Variants in INSR observed in about 807,000 individuals in gnomAD.
INSR encodes the protein IR.
In INSR, 67 loss-of-function variants were observed where a neutral mutation model predicts 142.6. The ratio of observed to expected loss-of-function variants is 0.47; its 90% CI spans 0.39 to 0.58. INSR has a LOEUF of 0.58. INSR is among the 20% of genes least tolerant of loss of function. INSR has a pLI of 0.00. For missense variants in INSR, 1,248 were observed against 1,833.2 expected, an observed-to-expected ratio of 0.68 and a Z score of 5.83; for synonymous variants, 756 against 743.1, an observed-to-expected ratio of 1.02 and a Z score of -0.28.
chr19:7,129,053 GTTCC>G, intron 14 of INSR, 99 bp from the exon 15 acceptor site: 1 of 872,352 alleles, frequency 1.1e-6, no homozygotes, highest in South Asian at 1.4e-5. Context: ...GGGCCACCCT[GTTCC>G]TTCCCTCCCT....
intron 2 of INSR, among the ~76,000 whole-genome samples, chr19:7,239,054 G>T (rs1392695183): frequency 7.3e-6 from 1 of 137,836 alleles, no homozygotes; most frequent in African/African-American, 2.8e-5. Flanking sequence ...CAGATTTAAA[G>T]AAGAGCAACT....
intron 1 of INSR, among the ~76,000 whole-genome samples, chr19:7,275,639 G>A (rs548606531): frequency 5.3e-5 from 8 of 151,816 alleles, no homozygotes; most frequent in Admixed American, 3.3e-4. Context: ...AAAACTTAGC[G>A]GGGTCGGGGG....
chr19:7,242,748 A>C (rs963597741), intron 2 of INSR, among the ~76,000 whole-genome samples: 1 of 151,594 alleles, frequency 6.6e-6, no homozygotes, highest in Admixed American at 6.6e-5. Context: ...AAAAAAAAAA[A>C]AAAAAACAGC....
At chr19:7,189,846 TAG>T (rs1974528813) in intron 2 of INSR, among the ~76,000 whole-genome samples, 1 of 151,944 alleles carries the variant, frequency 6.6e-6, no homozygotes, top group African/African-American at 2.4e-5. Context: ...GTATTTTTAG[TAG>T]AGACTGGGTT....
rs183600673 is a variant in INSR at position 7,208,960 on chromosome 19, G to A, written c.653-24323C>T. On this transcript the variant is annotated intron_variant, in intron 2 of 21. Coordinates refer to ENST00000302850, the MANE Select transcript of INSR (RefSeq NM_000208.4). Reference sequence around the variant, plus strand: ...GGAAGTTGCAGTGAGCCAAGATGGCGCCACTGCATTCCAGCCTGGCAACAG... The same window carrying A: ...GGAAGTTGCAGTGAGCCAAGATGGCACCACTGCATTCCAGCCTGGCAACAG... Among the ~76,000 whole-genome samples, 8 of 152,126 alleles carry A rather than the reference G, an allele frequency of 5.3e-5. No homozygotes were observed. The East Asian group carries it at 9.7e-4, about 18-fold the overall frequency.
chr19:7,215,750 G>A (rs987668585), intron 2 of INSR, among the ~76,000 whole-genome samples: 3 of 151,516 alleles, frequency 2.0e-5, no homozygotes, highest in Non-Finnish European at 2.9e-5. Flanking sequence ...GTAATTTTTA[G>A]TAGAGACAGG....
At chr19:7,162,915 T>C (rs1472190510) in intron 9 of INSR, 117 bp downstream of exon 9, 6 of 850,192 alleles carry the variant, frequency 7.1e-6, no homozygotes, top group Non-Finnish European at 1.0e-5. Flanking sequence ...TGTGTGTGTG[T>C]GTGCCTTCCG....
At chr19:7,149,936 A>AGAAGGAAG (rs71177162) in intron 11 of INSR, among the ~76,000 whole-genome samples, 3,346 of 144,056 alleles carry the variant, frequency 0.023, 85 homozygotes, top group African/African-American at 0.043. Context: ...AAAAAAAGAA[A>AGAAGGAAG]GAAGGAAGGA....
At chr19:7,140,121 T>A (rs1973032675) in intron 13 of INSR, among the ~76,000 whole-genome samples, 1 of 152,214 alleles carries the variant, frequency 6.6e-6, no homozygotes, top group African/African-American at 2.4e-5. Context: ...CAAGCCACAA[T>A]AATTTAGAAT....
At chr19:7,146,778 A>C (rs929878702) in intron 11 of INSR, among the ~76,000 whole-genome samples, 9 of 152,156 alleles carry the variant, frequency 5.9e-5, no homozygotes, top group African/African-American at 2.2e-4. Flanking sequence ...TTCTTTTTGA[A>C]TCCATTTAGA....
At chr19:7,167,591 T>C (rs112371927) in intron 7 of INSR, among the ~76,000 whole-genome samples, 2 of 142,294 alleles carry the variant, frequency 1.4e-5, no homozygotes, top group African/African-American at 5.2e-5. Flanking sequence ...AAAAAAAAAA[T>C]TGGGGATAAA....
rs77488445 is a variant in INSR at position 7,250,987 on chromosome 19, G to A, written c.652+16358C>T. 8.0e-4 allele frequency among the ~76,000 whole-genome samples: 121 copies of A among 152,146 alleles called. 3 individuals are homozygous for A. The East Asian group carries it at 0.02, about 25-fold the overall frequency. Reference sequence around the variant, plus strand: ...GAGAAGGTAAAAGGAAAGGGATGGAGGGAGAACCTGTGGACCAGGCTTTCT... The same window carrying A: ...GAGAAGGTAAAAGGAAAGGGATGGAAGGAGAACCTGTGGACCAGGCTTTCT... On this transcript the variant is annotated intron_variant, in intron 2 of 21. Coordinates refer to ENST00000302850, the MANE Select transcript of INSR (RefSeq NM_000208.4).
chr19:7,122,901 C>T lies in INSR; in HGVS notation c.3347G>A (p.Arg1116His), dbSNP rs1316627960. ...MAHGDLKSYL[R>H]SLRPEAENNP... ...TACCTCAGCCTCTGGCCGCAGAGAA[C>T]GGAGGTAGCTCTTCAGGTCTCCGTG... Residue 1116 changes from arginine (R) to histidine (H), a missense_variant, in exon 18 of 22, where the codon CGT becomes CAT. Transcript: ENST00000302850. The T allele has an allele frequency of 3.7e-6, 6 of 1,608,416 alleles. No homozygotes were observed. The highest frequency in any genetic ancestry group is 4.2e-6 in the Non-Finnish European group (5 of 1,178,180).
intron 12 of INSR, 28 bp from the exon 13 acceptor site, chr19:7,141,844 G>C: frequency 6.3e-7 from 1 of 1,591,040 alleles, no homozygotes; most frequent in Middle Eastern, 1.7e-4. Flanking sequence ...GAGAGGCAGG[G>C]ATGTAACTCT....
intron 2 of INSR, among the ~76,000 whole-genome samples, chr19:7,248,844 G>C (rs577586337): frequency 7.3e-6 from 1 of 136,726 alleles, no homozygotes; most frequent in Non-Finnish European, 1.5e-5. Flanking sequence ...TGCAAACTCT[G>C]CCTCCCAGGT....
At chr19:7,254,045 A>C (rs1486981870) in intron 2 of INSR, among the ~76,000 whole-genome samples, 1 of 132,606 alleles carries the variant, frequency 7.5e-6, no homozygotes, top group Non-Finnish European at 1.6e-5. Context: ...AAAAAGAAAA[A>C]AGAAAAGAAA....
intron 2 of INSR, among the ~76,000 whole-genome samples, chr19:7,253,565 G>A (rs1174766406): frequency 6.6e-6 from 1 of 152,128 alleles, no homozygotes; most frequent in Non-Finnish European, 1.5e-5. Context: ...GCTAAGTCCA[G>A]TGTGTTGAAA....
At chr19:7,193,110 C>CT (rs1310186241) in intron 2 of INSR, among the ~76,000 whole-genome samples, 6 of 141,490 alleles carry the variant, frequency 4.2e-5, no homozygotes, top group African/African-American at 1.2e-4. Flanking sequence ...TGCAGTATTT[C>CT]TTTTTTTTCT....
chr19:7,190,879 T>TAA lies in INSR; in HGVS notation c.653-6244_653-6243dup, dbSNP rs1812713674. Among the ~76,000 whole-genome samples the TAA allele has an allele frequency of 2.0e-5, 3 of 152,210 alleles. No homozygotes were observed. The South Asian group carries it at 6.2e-4, about 31-fold the overall frequency. On this transcript the variant is annotated intron_variant, in intron 2 of 21. Transcript: ENST00000302850. Reference sequence around the variant, plus strand: ...GATATTTTTAACCATAAAACAATGATAAGTATGTGAGGTGATAGCTTTTAA... The same window carrying TAA: ...GATATTTTTAACCATAAAACAATGATAAAAGTATGTGAGGTGATAGCTTTTAA...
Sources: gnomAD v4.1 joint callset for allele counts (sites outside exome capture counted in the v4.1 genomes callset) on GRCh38, gnomAD v4.1.1 for gene constraint, MANE v1.5 for transcripts, NCBI Gene and HGNC (gene_info 2026-07-23, HGNC 2026-07-21) for gene names.